Variants in CYP4V2 observed in about 807,000 individuals in gnomAD.
CYP4V2 encodes the protein cytochrome P450 family 4 subfamily V member 2.
CYP4V2 carries 55 observed loss-of-function variants against 60.8 expected under a neutral mutation model. The ratio of observed to expected loss-of-function variants is 0.90; its 90% CI spans 0.73 to 1.13. CYP4V2 has a LOEUF of 1.13. Ranked by LOEUF, CYP4V2 falls within the 50% of genes most tolerant of loss-of-function variation. The pLI, the probability that CYP4V2 is intolerant of heterozygous loss-of-function variation, is 0.00. For missense variants in CYP4V2, 675 were observed against 662.9 expected, an observed-to-expected ratio of 1.02 and a Z score of -0.20; for synonymous variants, 239 against 236.8, an observed-to-expected ratio of 1.01 and a Z score of -0.08.
chr4:186,196,097 G>C lies in CYP4V2; in HGVS notation c.413+9G>C. 1 of 1,605,738 alleles carries C rather than the reference G, an allele frequency of 6.2e-7. No individual in the cohort carries two copies. On this transcript the variant is annotated intron_variant, in intron 3 of 10. Coordinates refer to ENST00000378802, the MANE Select transcript of CYP4V2 (RefSeq NM_207352.4). Reference sequence around the variant, plus strand: ...CTAGGACTTCTTACAAGGTATGCCAGTGTACCTTTGTAAAGCTGTCTATAG... The same window carrying C: ...CTAGGACTTCTTACAAGGTATGCCACTGTACCTTTGTAAAGCTGTCTATAG...
rs7697077 is a variant in CYP4V2 at position 186,211,005 on chromosome 4, T to G, written c.*364T>G. ...GTGCCTGCCACCATGCCTGGCTAAT[T>G]TTTTTGTATTTTTAGTAGAAACAGG... On this transcript the variant is annotated 3_prime_UTR_variant, in exon 11 of 11. Coordinates refer to ENST00000378802, the MANE Select transcript of CYP4V2 (RefSeq NM_207352.4). 0.84 allele frequency: 188,635 copies of G among 223,576 alleles called. 80,637 individuals are homozygous for G. Among genetic ancestry groups the G allele is most frequent in the East Asian group, 0.93 (7,328 of 7,848 alleles). 13.8% of individuals were successfully genotyped at this position (223,576 alleles called of 1,614,324 possible).
intron 1 of CYP4V2, among the ~76,000 whole-genome samples, 181 bp from the exon 2 acceptor site, chr4:186,194,319 T>G (rs959342530): frequency 6.6e-6 from 1 of 152,246 alleles, no homozygotes; most frequent in African/African-American, 2.4e-5. Flanking sequence ...AAAAAAACTT[T>G]AGACTTACAG....
Position 186,209,160 on chromosome 4 carries a change from A to G in CYP4V2, c.1293A>G (p.Arg431=). The change falls in exon 10 of 11, where the codon AGA becomes AGG. Residue 431 remains arginine, a synonymous_variant. Transcript: ENST00000378802. ...IIPYALHRDP[R]YFPNPEEFQP... is the part of the protein sequence containing the mutation. ...CCTATGCATTGCACAGAGATCCGAG[A>G]TACTTCCCCAACCCCGAGGAGTTCC... The G allele has an allele frequency of 6.2e-7, 1 of 1,614,002 alleles. No homozygotes were observed. Among genetic ancestry groups the G allele is most frequent in the Non-Finnish European group, 8.5e-7 (1 of 1,180,006 alleles).
intron 8 of CYP4V2, among the ~76,000 whole-genome samples, chr4:186,205,558 CAG>C (rs1736472416): frequency 6.6e-6 from 1 of 152,170 alleles, no homozygotes; most frequent in Non-Finnish European, 1.5e-5. Context: ...CCAGGCGAAA[CAG>C]AGGCTTTGAG....
rs142737300 is a variant in CYP4V2, at chr4:186,211,320, G to C, written c.*679G>C. ...ATTTAATCAAAGTTCTAGAGTTTTT[G>C]TTTGTTTGTTTGAGATGGAGTCTTG... On this transcript the variant is annotated 3_prime_UTR_variant, in exon 11 of 11. Transcript: ENST00000378802. The C allele has an allele frequency of 6.6e-6, 1 of 151,652 alleles. No homozygotes were observed. The highest frequency in any genetic ancestry group is 2.4e-5 in the African/African-American group (1 of 41,194). The allele number at this position is 151,652 out of a possible 1,614,324, so 9.4% of individuals were successfully genotyped here. A position where few individuals can be genotyped will look rare whatever the true frequency, so the allele number is the denominator to read the frequency against.
chr4:186,194,639 T>G (rs1455196866), intron 2 of CYP4V2, 27 bp downstream of exon 2: 1 of 1,534,444 alleles, frequency 6.5e-7, no homozygotes, highest in Admixed American at 2.0e-5. Flanking sequence ...ATGATCAGTA[T>G]TGTACTGTGT....
intron 5 of CYP4V2, 80 bp downstream of exon 5, chr4:186,197,682 G>C: frequency 1.4e-6 from 2 of 1,452,954 alleles, no homozygotes; most frequent in South Asian, 2.3e-5. Context: ...TTTCTGCGTT[G>C]TATCTTTTTA....
intron 3 of CYP4V2, 84 bp from the exon 4 acceptor site, chr4:186,196,856 C>T: frequency 1.4e-6 from 2 of 1,407,666 alleles, no homozygotes; most frequent in South Asian, 1.2e-5. Flanking sequence ...TATATTTATG[C>T]TTTAATCGTT....
rs1182309833 is a variant in CYP4V2 at position 186,197,225 on chromosome 4, G to A, written c.604+95G>A. On this transcript the variant is annotated intron_variant, in intron 4 of 10. Coordinates refer to ENST00000378802, the MANE Select transcript of CYP4V2 (RefSeq NM_207352.4). The stretch of plus-strand genomic sequence containing the variant: ...CCACCGGGAAGGCAAATGGGGGGAC[G>A]GGAAAGGGTGACGGGCTCTTCAGCG... The A allele has an allele frequency of 8.3e-6, 12 of 1,438,766 alleles. No individual in the cohort carries two copies. The South Asian group carries it at 1.2e-4, about 14-fold the overall frequency. The allele number at this position is 1,438,766 out of a possible 1,614,324, so 89.1% of individuals were successfully genotyped here.
intron 10 of CYP4V2, among the ~76,000 whole-genome samples, chr4:186,209,537 G>A (rs988551630): frequency 2.1e-4 from 32 of 152,186 alleles, no homozygotes; most frequent in Non-Finnish European, 4.3e-4. Context: ...TTTTCTCACA[G>A]TTCTGGAGGC....
rs1284066885 is a variant in CYP4V2 at position 186,205,260 on chromosome 4, G to C, written c.1048G>C (p.Glu350Gln). 1.2e-6 allele frequency: 2 copies of C among 1,614,264 alleles called. No homozygotes were observed. The highest frequency in any genetic ancestry group is 1.6e-4 in the Middle Eastern group (1 of 6,062). Residue 350 changes from glutamate (E) to glutamine (Q), a missense_variant, in exon 8 of 11, where the codon GAA (glutamate) becomes CAA (glutamine). Coordinates refer to ENST00000378802, the MANE Select transcript of CYP4V2 (RefSeq NM_207352.4). The stretch of plus-strand genomic sequence containing the variant: ...CTTATACCTGTTGGGTTCTAACCCA[G>C]AAGTCCAGAAAAAAGTGGATCATGA... ...WSLYLLGSNP[E>Q]VQKKVDHELD...
At chr4:186,205,785 C>T (rs940148876) in intron 8 of CYP4V2, among the ~76,000 whole-genome samples, 3 of 152,172 alleles carry the variant, frequency 2.0e-5, no homozygotes, top group African/African-American at 7.2e-5. Flanking sequence ...GTAGGATGTC[C>T]AGGGTCCCAG....
chr4:186,201,450 G>A, intron 7 of CYP4V2, 108 bp downstream of exon 7: 2 of 1,235,536 alleles, frequency 1.6e-6, no homozygotes, highest in East Asian at 2.6e-5. Context: ...TTTAACTAAA[G>A]AAGATTCATT....
At chr4:186,196,236 G>C (rs774627141) in intron 3 of CYP4V2, 148 bp downstream of exon 3, 2 of 752,394 alleles carry the variant, frequency 2.7e-6, no homozygotes, top group Non-Finnish European at 4.6e-6. Flanking sequence ...GGAAGGTCCA[G>C]CTGGCAGCTG....
Position 186,210,877 on chromosome 4 carries a change from A to G in CYP4V2, c.*236A>G. 2.2e-6 allele frequency: 1 copy of G among 450,440 alleles called. No homozygotes were observed. Among genetic ancestry groups the G allele is most frequent in the Non-Finnish European group, 4.0e-6 (1 of 250,826 alleles). 27.9% of individuals were successfully genotyped at this position (450,440 alleles called of 1,614,324 possible). A position where few individuals can be genotyped will look rare whatever the true frequency, so the allele number is the denominator to read the frequency against. On this transcript the variant is annotated 3_prime_UTR_variant, in exon 11 of 11. Coordinates refer to ENST00000378802, the MANE Select transcript of CYP4V2 (RefSeq NM_207352.4). ...GAAACCGTGTCTCACTCTGTCGCCC[A>G]GGCTGGAGGAGTGCAGTGGTGTGAT...
chr4:186,194,946 A>AAT (rs1305554883), intron 2 of CYP4V2, among the ~76,000 whole-genome samples: 3 of 152,226 alleles, frequency 2.0e-5, no homozygotes, highest in Non-Finnish European at 4.4e-5. Context: ...AGACTTCAAA[A>AAT]ATATATGACT....
intron 8 of CYP4V2, among the ~76,000 whole-genome samples, chr4:186,206,096 C>T (rs1414491553): frequency 2.0e-5 from 3 of 152,212 alleles, no homozygotes; most frequent in East Asian, 1.9e-4. Context: ...CTTCAGCTTC[C>T]GGTGGCTGCC....
rs113220680 is a variant in CYP4V2 at position 186,194,898 on chromosome 4, G to A, written c.327+286G>A. On this transcript the variant is annotated intron_variant, in intron 2 of 10. Coordinates refer to ENST00000378802, the MANE Select transcript of CYP4V2 (RefSeq NM_207352.4). The stretch of plus-strand genomic sequence containing the variant: ...TTTAGAAACACAAATAAATTATTCC[G>A]CAAGGCAAGCACTTGTTATCCACCA... 3.9e-3 allele frequency among the ~76,000 whole-genome samples: 595 copies of A among 152,102 alleles called. 4 individuals are homozygous for A. The highest frequency in any genetic ancestry group is 0.013 in the African/African-American group (547 of 41,474).
intron 8 of CYP4V2, among the ~76,000 whole-genome samples, chr4:186,207,961 G>A (rs1736576216): frequency 6.6e-6 from 1 of 152,208 alleles, no homozygotes; most frequent in South Asian, 2.1e-4. Flanking sequence ...CATAATGTTA[G>A]AAATTCTGCT....
Sources: gnomAD v4.1 joint callset for allele counts (sites outside exome capture counted in the v4.1 genomes callset) on GRCh38, gnomAD v4.1.1 for gene constraint, MANE v1.5 for transcripts, NCBI Gene and HGNC (gene_info 2026-07-23, HGNC 2026-07-21) for gene names.